The following VIT variants were observed in gnomAD, a reference collection of about 807,000 sequenced individuals.
The protein encoded by VIT is vitrin.
A neutral mutation model predicts 78.0 loss-of-function variants in VIT; 99 were observed. The observed-to-expected ratio is 1.27, with a 90% CI of 1.08 to 1.50. The LOEUF is 1.50. Ranked by LOEUF, VIT falls within the 40% of genes most tolerant of loss-of-function variation. The pLI, the probability that VIT is intolerant of heterozygous loss-of-function variation, is 0.00. For missense variants in VIT, 1,126 were observed against 875.3 expected (o/e 1.29, Z -3.61); for synonymous variants, 374 against 334.3 (o/e 1.12, Z -1.29).
chr2:36,800,747 A>G (rs1040907668), intron 12 of VIT, among the ~76,000 whole-genome samples: 1 of 152,166 alleles, frequency 6.6e-6, no homozygotes, highest in Non-Finnish European at 1.5e-5. Flanking sequence ...AATCTTTTTC[A>G]GTCTTCAGCA....
At chr2:36,788,710 C>T (rs762716435) in intron 12 of VIT, among the ~76,000 whole-genome samples, 5 of 152,166 alleles carry the variant, frequency 3.3e-5, no homozygotes, top group Non-Finnish European at 5.9e-5. Flanking sequence ...GAAACATACG[C>T]GTTTTAATGC....
chr2:36,735,634 C>T (rs1667468432), intron 3 of VIT, among the ~76,000 whole-genome samples: 1 of 152,220 alleles, frequency 6.6e-6, no homozygotes, highest in Non-Finnish European at 1.5e-5. Context: ...AAATCTCCAC[C>T]CCAAGGTGCA....
In VIT at chr2:36,805,680, G is replaced by C. The variant is rs749188073; in HGVS notation, c.1389+16G>C. The stretch of plus-strand genomic sequence containing the variant: ...TGCAAACAAGGTAGATGACTGCCCG[G>C]AGACCTACCCAACATCAGGATTTTC... On this transcript the variant is annotated intron_variant, in intron 14 of 15. Transcript: ENST00000379242. 1 of 1,604,666 alleles carries C rather than the reference G, an allele frequency of 6.2e-7. No individual in the cohort carries two copies. The highest frequency in any genetic ancestry group is 1.1e-5 in the South Asian group (1 of 90,154).
Position 36,808,567 on chromosome 2 carries a change from C to A in VIT, c.1485C>A (p.Asp495Glu). Residue 495 changes from aspartate (D) to glutamate (E), a missense_variant, in exon 15 of 16, where the codon GAC (aspartate) becomes GAA (glutamate). Physicochemically the swap from Asp to Glu is conservative, Grantham distance 45. Transcript: ENST00000379242. ...TLQPLVKRVC[D>E]TDRLACSKTC... ...AGCCTCTGGTGAAGCGGGTCTGCGA[C>A]ACTGACCGCCTGGCCTGCAGCAAGA... is the stretch of plus-strand genomic sequence containing the variant. The A allele has an allele frequency of 6.2e-7, 1 of 1,614,112 alleles. No homozygotes were observed.
At chr2:36,713,496 G>A (rs1288587493) in intron 1 of VIT, among the ~76,000 whole-genome samples, 1 of 152,226 alleles carries the variant, frequency 6.6e-6, no homozygotes, top group Non-Finnish European at 1.5e-5. Context: ...ACTGTGGAGT[G>A]TCAGCCGAGA....
At chr2:36,786,718 A>G (rs1665120361) in intron 11 of VIT, among the ~76,000 whole-genome samples, 1 of 152,178 alleles carries the variant, frequency 6.6e-6, no homozygotes, top group Non-Finnish European at 1.5e-5. Context: ...TAAAAATCCA[A>G]CACTGGTTTC....
rs1416476499 is a variant in VIT at position 36,783,320 on chromosome 2, A to G, written c.848-20A>G. 3.1e-6 allele frequency: 5 copies of G among 1,613,832 alleles called. No homozygotes were observed. Among genetic ancestry groups the G allele is most frequent in the Non-Finnish European group, 4.2e-6 (5 of 1,179,806 alleles). On this transcript the variant is annotated intron_variant, in intron 10 of 15. Coordinates refer to ENST00000379242, the MANE Select transcript of VIT (RefSeq NM_053276.4). ...CTTCCTTTCCTTGTAAGTCACCAAA[A>G]GTTTTACTGCTCTTTCCAGGACTTG... is the stretch of plus-strand genomic sequence containing the variant.
intron 2 of VIT, among the ~76,000 whole-genome samples, chr2:36,727,978 G>A (rs546868584): frequency 7.9e-5 from 12 of 152,280 alleles, no homozygotes; most frequent in Admixed American, 3.9e-4. Context: ...GCCCAGGCTG[G>A]GGTGCAGTGG....
chr2:36,801,145 TAC>T, intron 12 of VIT, 154 bp from the exon 13 acceptor site: 1 of 690,994 alleles, frequency 1.4e-6, no homozygotes, highest in Non-Finnish European at 2.5e-6. Context: ...TCCTTTTCTC[TAC>T]ACACACCAGT....
At chr2:36,744,808 T>TA (rs1233072006) in intron 4 of VIT, among the ~76,000 whole-genome samples, 1 of 152,196 alleles carries the variant, frequency 6.6e-6, no homozygotes, top group Non-Finnish European at 1.5e-5. Context: ...TGTGCAGAGC[T>TA]CTTTAGTTTA....
intron 15 of VIT, 65 bp from the exon 16 acceptor site, chr2:36,814,118 G>C (rs1194738931): frequency 3.2e-6 from 5 of 1,570,882 alleles, no homozygotes; most frequent in African/African-American, 1.4e-5. Flanking sequence ...GCCACAAGAA[G>C]AGAGAGATTC....
chr2:36,755,671 C>A (rs998960342), intron 5 of VIT, among the ~76,000 whole-genome samples: 11 of 152,182 alleles, frequency 7.2e-5, no homozygotes, highest in African/African-American at 2.7e-4. Context: ...CCGATCCTCA[C>A]TGTAACAAGT....
intron 1 of VIT, among the ~76,000 whole-genome samples, chr2:36,703,285 C>T (rs1665182732): frequency 1.3e-5 from 2 of 152,282 alleles, no homozygotes; most frequent in South Asian, 2.1e-4. Flanking sequence ...AAGTTATAGG[C>T]ATTTTCCCTC....
intron 5 of VIT, among the ~76,000 whole-genome samples, chr2:36,757,367 A>G (rs925050430): frequency 6.6e-6 from 1 of 152,208 alleles, no homozygotes; most frequent in Admixed American, 6.5e-5. Flanking sequence ...AGGGATATGA[A>G]ATGTCAGTGA....
intron 12 of VIT, among the ~76,000 whole-genome samples, chr2:36,790,346 A>G (rs1318964834): frequency 6.6e-6 from 1 of 152,126 alleles, no homozygotes; most frequent in African/African-American, 2.4e-5. Context: ...ATCTTCTCTC[A>G]GCTGACCAGC....
chr2:36,704,342 A>G (rs12988310), intron 1 of VIT, among the ~76,000 whole-genome samples: 127,973 of 152,210 alleles, frequency 0.84, 54,365 homozygotes, highest in Middle Eastern at 0.95. Context: ...CCTGTGTACC[A>G]TGTGCAGCAT....
At chr2:36,700,587 A>G (rs1032043913) in intron 1 of VIT, among the ~76,000 whole-genome samples, 1 of 152,028 alleles carries the variant, frequency 6.6e-6, no homozygotes, top group Non-Finnish European at 1.5e-5. Context: ...ACTAAAAATT[A>G]AAAAATTAGC....
chr2:36,743,261 G>C lies in VIT; in HGVS notation c.275+5G>C, dbSNP rs1173728624. 2.5e-6 allele frequency: 4 copies of C among 1,611,552 alleles called. No homozygotes were observed. The highest frequency in any genetic ancestry group is 3.4e-6 in the Non-Finnish European group (4 of 1,178,134). On this transcript the variant is annotated splice_donor_5th_base_variant and intron_variant, in intron 4 of 15. Coordinates refer to ENST00000379242, the MANE Select transcript of VIT (RefSeq NM_053276.4). ...GTGTGGCGCTGCCGTACACAGGTGA[G>C]TGGTTCTGAGCTACTTAATAACTAA...
At chr2:36,728,829 A>C (rs1558520127) in intron 2 of VIT, among the ~76,000 whole-genome samples, 1 of 135,426 alleles carries the variant, frequency 7.4e-6, no homozygotes, top group African/African-American at 2.7e-5. Context: ...AAAAAAAAAA[A>C]GAAAAAAGAA....
Sources: allele counts gnomAD v4.1 joint callset (sites outside exome capture counted in the v4.1 genomes callset), GRCh38; gene constraint gnomAD v4.1.1; transcripts MANE v1.5; gene names NCBI Gene and HGNC (gene_info 2026-07-23, HGNC 2026-07-21).